Variants in NELL1 observed in about 807,000 individuals in gnomAD.
The protein encoded by NELL1 is protein kinase C-binding protein NELL1.
Under a neutral mutation model 107.4 loss-of-function variants are expected in NELL1, and 76 were observed. The observed-to-expected ratio is 0.71, with a 90% CI of 0.59 to 0.86. The LOEUF (loss-of-function observed/expected upper bound fraction) is 0.86, where lower values mean the gene tolerates loss of function less well. NELL1 is among the 40% of genes least tolerant of loss of function. NELL1 has a pLI of 0.00. For synonymous variants in NELL1, 353 were observed against 341.2 expected (o/e 1.03, Z -0.38); for missense variants, 1,024 against 1,005.5 (o/e 1.02, Z -0.25).
chr11:21,267,871 C>T (rs1848665691), intron 14 of NELL1, among the ~76,000 whole-genome samples: 1 of 152,150 alleles, frequency 6.6e-6, no homozygotes, highest in Non-Finnish European at 1.5e-5. Context: ...ATAAATGTAG[C>T]TCCTCCTGCT....
chr11:21,129,996 G>A (rs1440428860), intron 13 of NELL1, among the ~76,000 whole-genome samples: 1 of 152,158 alleles, frequency 6.6e-6, no homozygotes, highest in African/African-American at 2.4e-5. Context: ...CTTCCCATTA[G>A]TAAGTTATGC....
intron 3 of NELL1, among the ~76,000 whole-genome samples, chr11:20,814,253 C>G (rs887232183): frequency 6.6e-6 from 1 of 152,204 alleles, no homozygotes; most frequent in African/African-American, 2.4e-5. Flanking sequence ...CTCGGCCTCC[C>G]AAAGTGCTGG....
intron 14 of NELL1, among the ~76,000 whole-genome samples, chr11:21,309,327 T>C (rs1360172659): frequency 1.4e-5 from 2 of 142,654 alleles, no homozygotes; most frequent in East Asian, 4.2e-4. Context: ...ATATATATAT[T>C]TCCTGAATAT....
At chr11:21,418,318 C>A (rs898847958) in intron 15 of NELL1, among the ~76,000 whole-genome samples, 8 of 152,010 alleles carry the variant, frequency 5.3e-5, no homozygotes, top group Non-Finnish European at 7.4e-5. Flanking sequence ...GCTTTTGAAA[C>A]CAGGTAGGCA....
At chr11:20,860,411 G>C (rs766552683) in intron 4 of NELL1, among the ~76,000 whole-genome samples, 59 of 151,904 alleles carry the variant, frequency 3.9e-4, no homozygotes, top group Admixed American at 5.2e-4. Context: ...CTTCTCTAGG[G>C]GTCTGGATTC....
chr11:20,742,022 C>G (rs568762875), intron 2 of NELL1, among the ~76,000 whole-genome samples: 13 of 152,316 alleles, frequency 8.5e-5, no homozygotes, highest in Admixed American at 6.5e-4. Flanking sequence ...ATGGACCATA[C>G]TTTGAGCAAC....
At chr11:21,178,451 G>T (rs1856756195) in intron 13 of NELL1, among the ~76,000 whole-genome samples, 2 of 151,802 alleles carry the variant, frequency 1.3e-5, no homozygotes, top group African/African-American at 4.9e-5. Flanking sequence ...GTCATAATGA[G>T]AAATTTATTT....
chr11:21,549,510 G>A (rs1856525450), intron 16 of NELL1, among the ~76,000 whole-genome samples: 2 of 151,948 alleles, frequency 1.3e-5, no homozygotes, highest in African/African-American at 4.8e-5. Context: ...AATTGTGTCT[G>A]TTTTACTTGC....
At chr11:21,129,332 G>C (rs1487324981) in intron 13 of NELL1, among the ~76,000 whole-genome samples, 1 of 152,076 alleles carries the variant, frequency 6.6e-6, no homozygotes. Flanking sequence ...ATGGAAAATA[G>C]TTTGGTGGTT....
At chr11:21,034,138 T>G (rs11025882) in intron 12 of NELL1, among the ~76,000 whole-genome samples, 25,555 of 152,132 alleles carry the variant, frequency 0.17, 2,733 homozygotes, top group East Asian at 0.32. Flanking sequence ...TTTTTATAGA[T>G]TTGGGTTTTA....
chr11:20,922,124 T>C (rs1850392549), intron 7 of NELL1, among the ~76,000 whole-genome samples: 1 of 152,102 alleles, frequency 6.6e-6, no homozygotes, highest in Non-Finnish European at 1.5e-5. Context: ...GCCAAATCTT[T>C]ATATAGGGGT....
chr11:21,448,008 A>G (rs575047341), intron 15 of NELL1, among the ~76,000 whole-genome samples: 2 of 152,226 alleles, frequency 1.3e-5, no homozygotes, highest in Admixed American at 6.5e-5. Context: ...AATTCTCACA[A>G]TCGCTTTTCT....
At chr11:21,178,586 G>A (rs543709432) in intron 13 of NELL1, among the ~76,000 whole-genome samples, 1 of 151,406 alleles carries the variant, frequency 6.6e-6, no homozygotes, top group East Asian at 1.9e-4. Context: ...AGGCAATATA[G>A]TGAAACCTCA....
intron 13 of NELL1, among the ~76,000 whole-genome samples, chr11:21,174,089 C>T (rs1227780871): frequency 6.6e-6 from 1 of 151,758 alleles, no homozygotes; most frequent in Non-Finnish European, 1.5e-5. Context: ...CCAGGGTTAT[C>T]TGGCCAAGAG....
intron 15 of NELL1, among the ~76,000 whole-genome samples, chr11:21,385,008 G>A (rs1006638369): frequency 1.6e-4 from 25 of 151,832 alleles, no homozygotes; most frequent in African/African-American, 5.6e-4. Flanking sequence ...TGCTTGGAAT[G>A]TTCTTCCCTC....
chr11:21,162,245 G>T (rs192461862), intron 13 of NELL1, among the ~76,000 whole-genome samples: 1 of 151,882 alleles, frequency 6.6e-6, no homozygotes, highest in African/African-American at 2.4e-5. Flanking sequence ...CACTGCGCCC[G>T]GCCTGGGAAC....
intron 3 of NELL1, among the ~76,000 whole-genome samples, chr11:20,828,298 T>C (rs1312935877): frequency 6.6e-6 from 1 of 151,520 alleles, no homozygotes; most frequent in Admixed American, 6.6e-5. Flanking sequence ...AAGGGCATGA[T>C]TTAAATGAGA....
intron 13 of NELL1, among the ~76,000 whole-genome samples, chr11:21,150,240 G>A (rs1428557598): frequency 6.6e-6 from 1 of 152,096 alleles, no homozygotes; most frequent in African/African-American, 2.4e-5. Flanking sequence ...ATCTGGTCTT[G>A]CCTTGCTTTC....
intron 12 of NELL1, among the ~76,000 whole-genome samples, chr11:20,993,236 A>G (rs1345725105): frequency 6.6e-6 from 1 of 152,182 alleles, no homozygotes; most frequent in Admixed American, 6.5e-5. Flanking sequence ...TCTACTCATT[A>G]TAATTCCACC....
Sources: allele counts gnomAD v4.1 joint callset (sites outside exome capture counted in the v4.1 genomes callset), GRCh38; gene constraint gnomAD v4.1.1; transcripts MANE v1.5; gene names NCBI Gene and HGNC (gene_info 2026-07-23, HGNC 2026-07-21).